The following NRXN1 variants were observed in gnomAD, a reference collection of about 807,000 sequenced individuals.
NRXN1 encodes the protein neurexin 1, also known as neurexin-1.
Under a neutral mutation model 150.9 loss-of-function variants are expected in NRXN1, and 39 were observed. That is an observed-to-expected ratio of 0.26 (90% CI 0.20 to 0.34). NRXN1 has a LOEUF of 0.34. Among genes scored for constraint, NRXN1 ranks in the 10% least tolerant of loss-of-function variants. The probability of loss-of-function intolerance (pLI) is 1.00; values close to 1 mark genes in which losing one functional copy is unlikely to be tolerated. For missense variants in NRXN1, 1,815 were observed against 1,949.9 expected (o/e 0.93, Z 1.30); for synonymous variants, 924 against 757.0 (o/e 1.22, Z -3.62).
intron 22 of NRXN1, among the ~76,000 whole-genome samples, chr2:49,938,878 G>C (rs1671491368): frequency 6.6e-6 from 1 of 152,026 alleles, no homozygotes; most frequent in Non-Finnish European, 1.5e-5. Context: ...TTTCAGAAAG[G>C]GTTCTATTTG....
intron 5 of NRXN1, among the ~76,000 whole-genome samples, chr2:50,803,432 T>C (rs17503486): frequency 0.16 from 24,920 of 152,174 alleles, 2,584 homozygotes; most frequent in Non-Finnish European, 0.23. Context: ...TCACAGATAC[T>C]ACTCTCATAA....
rs181957619 is a variant in NRXN1 at position 50,791,053 on chromosome 2, T to C, written c.832+130816A>G. Among the ~76,000 whole-genome samples the C allele has an allele frequency of 4.8e-3, 731 of 151,564 alleles. 5 individuals carry two copies. The highest frequency in any genetic ancestry group is 8.6e-3 in the Non-Finnish European group (586 of 67,886). ...ATGGAAAGAAGAAAATCTCAACAGATGAAATAAACAGCAACTAAAAGTGGA... is the reference window on the plus strand; with the variant it reads ...ATGGAAAGAAGAAAATCTCAACAGACGAAATAAACAGCAACTAAAAGTGGA... On this transcript the variant is annotated intron_variant, in intron 5 of 22. Transcript: ENST00000401669.
chr2:50,809,707 G>C (rs1667962007), intron 5 of NRXN1, among the ~76,000 whole-genome samples: 1 of 152,080 alleles, frequency 6.6e-6, no homozygotes, highest in Admixed American at 6.5e-5. Flanking sequence ...CAGAGGAGGG[G>C]ATGACAGTTT....
At chr2:50,282,631 T>G (rs755540112) in intron 17 of NRXN1, among the ~76,000 whole-genome samples, 3 of 152,146 alleles carry the variant, frequency 2.0e-5, no homozygotes, top group Non-Finnish European at 4.4e-5. Flanking sequence ...AAGTTTGACA[T>G]AAATGGTATA....
chr2:50,154,984 T>G (rs933838377), intron 18 of NRXN1, among the ~76,000 whole-genome samples: 2 of 151,644 alleles, frequency 1.3e-5, no homozygotes, highest in Admixed American at 1.3e-4. Flanking sequence ...TGAATAAAAG[T>G]ATAAAATCAT....
At chr2:50,311,414 T>C (rs1483335724) in intron 17 of NRXN1, among the ~76,000 whole-genome samples, 43 of 152,232 alleles carry the variant, frequency 2.8e-4, no homozygotes, top group Non-Finnish European at 8.8e-5. Flanking sequence ...AATAGGAGTG[T>C]ATTTATGGAG....
chr2:50,158,809 C>T (rs746555513), intron 18 of NRXN1, among the ~76,000 whole-genome samples: 2 of 152,080 alleles, frequency 1.3e-5, no homozygotes, highest in African/African-American at 2.4e-5. Flanking sequence ...CACATATTGG[C>T]TACCCTGTTT....
chr2:50,142,481 TAAA>T (rs1707418473), intron 18 of NRXN1, among the ~76,000 whole-genome samples: 1 of 151,828 alleles, frequency 6.6e-6, no homozygotes, highest in Non-Finnish European at 1.5e-5. Flanking sequence ...TCCCAACACA[TAAA>T]AATGATAAAA....
chr2:50,672,597 T>G (rs1689015505), intron 5 of NRXN1, among the ~76,000 whole-genome samples: 2 of 151,972 alleles, frequency 1.3e-5, no homozygotes, highest in South Asian at 4.1e-4. Context: ...CCACCCCCAT[T>G]TCAGTTTTCT....
chr2:49,925,236 C>T (rs1480835806), intron 22 of NRXN1, among the ~76,000 whole-genome samples: 1 of 145,288 alleles, frequency 6.9e-6, no homozygotes, highest in Non-Finnish European at 1.5e-5. Context: ...GCTGCGATCG[C>T]ACACTACACT....
chr2:50,006,834 T>C (rs566106438), intron 21 of NRXN1, among the ~76,000 whole-genome samples: 2 of 152,230 alleles, frequency 1.3e-5, no homozygotes, highest in Middle Eastern at 3.4e-3. Flanking sequence ...TTTACTTCTC[T>C]TCCTGGGGTT....
At chr2:50,747,124 A>G (rs566930633) in intron 5 of NRXN1, among the ~76,000 whole-genome samples, 2 of 152,234 alleles carry the variant, frequency 1.3e-5, no homozygotes, top group South Asian at 2.1e-4. Context: ...GACCGGCATT[A>G]GAGGGTGGGG....
chr2:50,182,344 A>G (rs961329388), intron 18 of NRXN1, among the ~76,000 whole-genome samples: 3 of 152,062 alleles, frequency 2.0e-5, no homozygotes, highest in Non-Finnish European at 4.4e-5. Flanking sequence ...CATTTAATGG[A>G]AAAGAATAAA....
At chr2:50,114,697 G>A (rs1702800559) in intron 18 of NRXN1, among the ~76,000 whole-genome samples, 1 of 152,050 alleles carries the variant, frequency 6.6e-6, no homozygotes, top group Non-Finnish European at 1.5e-5. Context: ...GGGCTATCAA[G>A]CCATGAAAAA....
intron 17 of NRXN1, among the ~76,000 whole-genome samples, chr2:50,448,212 T>C (rs1027194281): frequency 4.6e-5 from 7 of 152,170 alleles, no homozygotes; most frequent in African/African-American, 1.7e-4. Context: ...AACTCTGTTC[T>C]TTCCTCATTA....
intron 5 of NRXN1, among the ~76,000 whole-genome samples, chr2:50,744,386 T>A (rs188150115): frequency 5.0e-4 from 76 of 152,196 alleles, no homozygotes; most frequent in African/African-American, 1.7e-3. Flanking sequence ...TCAATATATG[T>A]AAGAAAATAT....
At chr2:50,506,747 A>AAG in intron 12 of NRXN1, 130 bp from the exon 13 acceptor site, 1 of 928,704 alleles carries the variant, frequency 1.1e-6, no homozygotes, top group Non-Finnish European at 1.6e-6. Flanking sequence ...GAAAGGAAGA[A>AAG]AGAGAGAGAG....
intron 5 of NRXN1, among the ~76,000 whole-genome samples, chr2:50,781,791 T>C (rs1353235972): frequency 6.6e-6 from 1 of 152,224 alleles, no homozygotes; most frequent in Non-Finnish European, 1.5e-5. Context: ...TAATAGAGTA[T>C]GCTCAGGATG....
At chr2:50,049,409 C>G (rs1184470627) in intron 21 of NRXN1, among the ~76,000 whole-genome samples, 2 of 151,998 alleles carry the variant, frequency 1.3e-5, no homozygotes, top group African/African-American at 4.8e-5. Flanking sequence ...GGCAGCAAGG[C>G]CAAAGTACAA....
Sources: allele counts gnomAD v4.1 joint callset (sites outside exome capture counted in the v4.1 genomes callset), GRCh38; gene constraint gnomAD v4.1.1; transcripts MANE v1.5; gene names NCBI Gene and HGNC (gene_info 2026-07-23, HGNC 2026-07-21).